Variants in STAB2 observed in about 807,000 individuals in gnomAD.
STAB2 encodes stabilin-2.
A neutral mutation model predicts 338.1 loss-of-function variants in STAB2; 288 were observed. The ratio of observed to expected loss-of-function variants is 0.85; its 90% CI spans 0.77 to 0.94. The LOEUF (loss-of-function observed/expected upper bound fraction) is 0.94, where lower values mean the gene tolerates loss of function less well. Among genes scored for constraint, STAB2 ranks in the 40% least tolerant of loss-of-function variants. The pLI is 0.00. For missense variants in STAB2, 3,141 were observed against 3,210.1 expected (o/e 0.98, Z 0.52); for synonymous variants, 1,202 against 1,193.3 (o/e 1.01, Z -0.15).
In STAB2 at chr12:103,735,598, G is replaced by T; in HGVS notation, c.5550+18G>T. On this transcript the variant is annotated intron_variant, in intron 52 of 68. Coordinates refer to ENST00000388887, the MANE Select transcript of STAB2 (RefSeq NM_017564.10). ...GGGACATCGTGAGTATCATCATGAA[G>T]GGTGGGCAGGGAGGGGTTAACACAT... The T allele has an allele frequency of 1.3e-6, 2 of 1,503,434 alleles. No homozygotes were observed. The highest frequency in any genetic ancestry group is 1.8e-6 in the Non-Finnish European group (2 of 1,089,348). 93.1% of individuals were successfully genotyped at this position (1,503,434 alleles called of 1,614,324 possible). A position where few individuals can be genotyped will look rare whatever the true frequency, so the allele number is the denominator to read the frequency against.
intron 34 of STAB2, among the ~76,000 whole-genome samples, chr12:103,700,551 A>G (rs1363422704): frequency 6.6e-6 from 1 of 152,186 alleles, no homozygotes; most frequent in African/African-American, 2.4e-5. Context: ...AAGTCTACCT[A>G]TTGTGTAATA....
chr12:103,590,601 T>G (rs976325751), intron 1 of STAB2, among the ~76,000 whole-genome samples: 1 of 152,238 alleles, frequency 6.6e-6, no homozygotes, highest in Non-Finnish European at 1.5e-5. Flanking sequence ...ATGTGGGTAA[T>G]AACATTATCT....
At chr12:103,617,448 T>A (rs1216978768) in intron 3 of STAB2, among the ~76,000 whole-genome samples, 1 of 152,190 alleles carries the variant, frequency 6.6e-6, no homozygotes, top group Non-Finnish European at 1.5e-5. Flanking sequence ...ATATTTCCAA[T>A]CCCTACTACA....
At chr12:103,621,799 A>G (rs556816792) in intron 4 of STAB2, among the ~76,000 whole-genome samples, 1 of 152,344 alleles carries the variant, frequency 6.6e-6, no homozygotes, top group East Asian at 1.9e-4. Flanking sequence ...AGCACTTGCT[A>G]TCTATTTATA....
chr12:103,762,597 G>A (rs1884620946), intron 67 of STAB2, among the ~76,000 whole-genome samples, 195 bp downstream of exon 67: 1 of 152,186 alleles, frequency 6.6e-6, no homozygotes, highest in Non-Finnish European at 1.5e-5. Context: ...GAACAGCAGT[G>A]GTGGTTCCAA....
Position 103,762,486 on chromosome 12 carries a change from G to A in STAB2, c.7488+84G>A. The A allele has an allele frequency of 4.4e-6, 7 of 1,596,446 alleles. No individual in the cohort carries two copies. In the South Asian group the frequency reaches 7.9e-5, roughly 18 times the overall value. Reference sequence around the variant, plus strand: ...ACCTGGGCTGCTTCAGTCGGTGGCTGCGCCAGAGTCCTCACCCAGAAGCAG... The same window carrying A: ...ACCTGGGCTGCTTCAGTCGGTGGCTACGCCAGAGTCCTCACCCAGAAGCAG... On this transcript the variant is annotated intron_variant, in intron 67 of 68. Transcript: ENST00000388887.
At chr12:103,717,048 G>A (rs2139025244) in intron 43 of STAB2, among the ~76,000 whole-genome samples, 1 of 152,318 alleles carries the variant, frequency 6.6e-6, no homozygotes, top group Admixed American at 6.5e-5. Flanking sequence ...TCAACCCAGG[G>A]CCCTTGCTGC....
chr12:103,595,259 A>G (rs1038097187), intron 3 of STAB2, among the ~76,000 whole-genome samples: 29 of 152,216 alleles, frequency 1.9e-4, no homozygotes, highest in African/African-American at 6.5e-4. Context: ...TAATTTATGA[A>G]TTTGCAATTC....
intron 53 of STAB2, among the ~76,000 whole-genome samples, chr12:103,738,098 TC>T (rs1171944503): frequency 6.6e-6 from 1 of 152,118 alleles, no homozygotes; most frequent in African/African-American, 2.4e-5. Flanking sequence ...ATCCCTCTAT[TC>T]AGTCACTCAC....
chr12:103,746,758 G>C (rs1883071592), intron 58 of STAB2, 54 bp downstream of exon 58: 1 of 1,570,132 alleles, frequency 6.4e-7, no homozygotes. Context: ...GAGAGGAGCA[G>C]GACTTGCTCA....
intron 60 of STAB2, among the ~76,000 whole-genome samples, chr12:103,751,768 C>CT (rs1566077236): frequency 6.6e-6 from 1 of 152,000 alleles, no homozygotes; most frequent in Non-Finnish European, 1.5e-5. Flanking sequence ...TCTACCCAGA[C>CT]CATAGAGTGT....
chr12:103,649,225 C>G (rs1357832820), intron 10 of STAB2, among the ~76,000 whole-genome samples: 2 of 152,288 alleles, frequency 1.3e-5, no homozygotes, highest in Non-Finnish European at 2.9e-5. Flanking sequence ...GACTGAGACC[C>G]CAGGGCAGCA....
Position 103,687,331 on chromosome 12 carries a change from A to G in STAB2, c.2998-837A>G, listed in dbSNP as rs551124250. 2.6e-5 allele frequency among the ~76,000 whole-genome samples: 4 copies of G among 151,686 alleles called. No individual in the cohort carries two copies. In the East Asian group the frequency reaches 7.8e-4, roughly 29 times the overall value. Reference sequence around the variant, plus strand: ...TTTTAATAACTCTGTGTTTAGAGACATTAAAAAAAAAAAACTATAACGCCT... The same window carrying G: ...TTTTAATAACTCTGTGTTTAGAGACGTTAAAAAAAAAAAACTATAACGCCT... On this transcript the variant is annotated intron_variant, in intron 27 of 68. Coordinates refer to ENST00000388887, the MANE Select transcript of STAB2 (RefSeq NM_017564.10).
chr12:103,676,556 C>CT (rs1265345275), intron 24 of STAB2, among the ~76,000 whole-genome samples: 1 of 152,202 alleles, frequency 6.6e-6, no homozygotes, highest in Non-Finnish European at 1.5e-5. Flanking sequence ...TCATAGCTCA[C>CT]TGCAGCCTCA....
intron 3 of STAB2, among the ~76,000 whole-genome samples, chr12:103,615,463 A>T (rs1957195686): frequency 6.6e-6 from 1 of 152,166 alleles, no homozygotes; most frequent in Non-Finnish European, 1.5e-5. Flanking sequence ...CTGCATCTTA[A>T]AGGAGTGGGC....
At chr12:103,739,355 T>C in intron 53 of STAB2, 57 bp from the exon 54 acceptor site, 1 of 1,476,930 alleles carries the variant, frequency 6.8e-7, no homozygotes, top group Non-Finnish European at 9.2e-7. Context: ...ATCAGGAACA[T>C]TTCCTTGTGT....
intron 1 of STAB2, among the ~76,000 whole-genome samples, chr12:103,588,350 A>G (rs1956744083): frequency 6.6e-6 from 1 of 152,084 alleles, no homozygotes. Context: ...TGTGGATCTC[A>G]TTTTTCTGTT....
intron 3 of STAB2, among the ~76,000 whole-genome samples, chr12:103,610,214 G>A (rs1003830063): frequency 1.3e-5 from 2 of 152,012 alleles, no homozygotes; most frequent in East Asian, 3.9e-4. Flanking sequence ...AATGAGTTAG[G>A]GAGGATTCCC....
chr12:103,755,573 C>G, intron 62 of STAB2, 39 bp from the exon 63 acceptor site: 1 of 1,612,892 alleles, frequency 6.2e-7, no homozygotes, highest in Non-Finnish European at 8.5e-7. Context: ...CTGGCCCCTG[C>G]CTTACTTGTG....
Sources: allele counts gnomAD v4.1 joint callset (sites outside exome capture counted in the v4.1 genomes callset), GRCh38; gene constraint gnomAD v4.1.1; transcripts MANE v1.5; gene names NCBI Gene and HGNC (gene_info 2026-07-23, HGNC 2026-07-21).